Variants in PPP2R2C observed in about 807,000 individuals in gnomAD.
The protein encoded by PPP2R2C is protein phosphatase 2 regulatory subunit Bgamma, also known as protein phosphatase 2, regulatory subunit B, gamma.
PPP2R2C carries 10 observed loss-of-function variants against 45.3 expected under a neutral mutation model. That is an observed-to-expected ratio of 0.22 (90% CI 0.14 to 0.37). The LOEUF is 0.37. PPP2R2C is among the 10% of genes least tolerant of loss of function. The probability of loss-of-function intolerance (pLI) is 1.00; values close to 1 mark genes in which losing one functional copy is unlikely to be tolerated. For synonymous variants in PPP2R2C, 257 were observed against 245.4 expected (o/e 1.05, Z -0.44); for missense variants, 308 against 619.7 (o/e 0.50, Z 5.34).
At chr4:6,340,196 C>G in intron 6 of PPP2R2C, among the ~76,000 whole-genome samples, 1 of 152,156 alleles carries the variant, frequency 6.6e-6, no homozygotes, top group African/African-American at 2.4e-5. Context: ...GGCCCCCAGG[C>G]CCGGCACGCT....
intron 1 of PPP2R2C, among the ~76,000 whole-genome samples, chr4:6,390,607 G>A (rs1045204654): frequency 2.0e-5 from 3 of 152,226 alleles, no homozygotes; most frequent in Non-Finnish European, 4.4e-5. Context: ...GCCGGGACTG[G>A]ACATCAGCAC....
intron 1 of PPP2R2C, among the ~76,000 whole-genome samples, chr4:6,430,391 T>C (rs1283714075): frequency 1.3e-5 from 2 of 152,152 alleles, no homozygotes. Context: ...CCTGACTGCC[T>C]GGTATCAGCG....
chr4:6,381,609 A>T lies in PPP2R2C; in HGVS notation c.71-515T>A, dbSNP rs972487604. 1.4e-5 allele frequency: 21 copies of T among 1,470,718 alleles called. No homozygotes were observed. In the African/African-American group the frequency reaches 3.0e-4, roughly 21 times the overall value. 91.1% of individuals were successfully genotyped at this position (1,470,718 alleles called of 1,614,324 possible). ...AGGTGAATTACCCCCTCTCCTTCAG[A>T]CTCCTGCTCTGTGGCCCCACCTCCA... is the stretch of plus-strand genomic sequence containing the variant. On this transcript the variant is annotated intron_variant, in intron 1 of 8. Transcript: ENST00000382599.
At chr4:6,504,894 A>G (rs1051489617) in intron 2 of PPP2R2C, among the ~76,000 whole-genome samples, 2 of 152,224 alleles carry the variant, frequency 1.3e-5, no homozygotes, top group Non-Finnish European at 2.9e-5. Flanking sequence ...ACAATGGCTG[A>G]AAATGACCCC....
At chr4:6,453,793 C>T (rs997126063) in intron 1 of PPP2R2C, among the ~76,000 whole-genome samples, 7 of 152,178 alleles carry the variant, frequency 4.6e-5, no homozygotes, top group African/African-American at 1.7e-4. Flanking sequence ...CTGCAGTGGC[C>T]CTGGCAAGAA....
intron 1 of PPP2R2C, among the ~76,000 whole-genome samples, chr4:6,432,071 C>T (rs6811846): frequency 0.98 from 149,804 of 152,224 alleles, 73,752 homozygotes; most frequent in Middle Eastern, 1. Flanking sequence ...TAACGCATCA[C>T]CTTAAGGCTT....
chr4:6,517,106 G>C (rs917756878), intron 2 of PPP2R2C, among the ~76,000 whole-genome samples: 1 of 152,212 alleles, frequency 6.6e-6, no homozygotes, highest in African/African-American at 2.4e-5. Context: ...GCGGGAGGGA[G>C]ACCCTGATGC....
chr4:6,539,970 G>A (rs1259499359), intron 1 of PPP2R2C, among the ~76,000 whole-genome samples: 2 of 152,190 alleles, frequency 1.3e-5, no homozygotes. Flanking sequence ...AGGCCCGTGA[G>A]GACCCTGCAG....
At chr4:6,466,910 C>T (rs557458428) in intron 1 of PPP2R2C, among the ~76,000 whole-genome samples, 91 of 152,220 alleles carry the variant, frequency 6.0e-4, no homozygotes, top group Non-Finnish European at 1.1e-3. Context: ...ACAGCAGGGG[C>T]GTGGGAGTTG....
rs1732397672 is a variant in PPP2R2C, at chr4:6,331,284, C to T, written c.961-1931G>A. ...AAGACTGTCAATCTAAGGTCCGCTG[C>T]TTGCTGGCTCTGTCACAGATTTGCC... is the stretch of plus-strand genomic sequence containing the variant. On this transcript the variant is annotated intron_variant, in intron 7 of 8. Coordinates refer to ENST00000382599, the MANE Select transcript of PPP2R2C (RefSeq NM_020416.4). The surrounding 1 kb of genome is among the most constrained non-coding windows in gnomAD (Gnocchi z 5.9). 6.6e-6 allele frequency among the ~76,000 whole-genome samples: 1 copy of T among 152,166 alleles called. No homozygotes were observed. The highest frequency in any genetic ancestry group is 2.1e-4 in the South Asian group (1 of 4,824).
chr4:6,370,372 G>A lies in PPP2R2C; in HGVS notation c.625+2151C>T, dbSNP rs145516235. ...TAAACTGTACGGTACGGTCCAGGCC[G>A]CTCAGTGAGCCCCACACCCTCCCCA... On this transcript the variant is annotated intron_variant, in intron 5 of 8. Coordinates refer to ENST00000382599, the MANE Select transcript of PPP2R2C (RefSeq NM_020416.4). Among the ~76,000 whole-genome samples the A allele has an allele frequency of 5.2e-3, 797 of 152,308 alleles. 7 individuals are homozygous for A. Among genetic ancestry groups the A allele is most frequent in the African/African-American group, 0.019 (770 of 41,560 alleles).
chr4:6,472,382 G>T lies in PPP2R2C; in HGVS notation c.-153C>A. The T allele has an allele frequency of 9.9e-7, 1 of 1,006,614 alleles. No individual in the cohort carries two copies. The highest frequency in any genetic ancestry group is 1.2e-6 in the Non-Finnish European group (1 of 838,830). 62.4% of individuals were successfully genotyped at this position (1,006,614 alleles called of 1,614,324 possible). A position where few individuals can be genotyped will look rare whatever the true frequency, so the allele number is the denominator to read the frequency against. ...AGGGAGGGCATCGCGGCAGGGGGACGGGCGGGGGCGGCCGGGGGCGGGCGC... is the reference window on the plus strand; with the variant it reads ...AGGGAGGGCATCGCGGCAGGGGGACTGGCGGGGGCGGCCGGGGGCGGGCGC... On this transcript the variant is annotated 5_prime_UTR_variant, in exon 1 of 9. Transcript: ENST00000382599.
chr4:6,513,980 A>G (rs1304944074), intron 2 of PPP2R2C, among the ~76,000 whole-genome samples: 1 of 152,258 alleles, frequency 6.6e-6, no homozygotes, highest in Non-Finnish European at 1.5e-5. Flanking sequence ...GAGGCATGCT[A>G]AAAATGTTCA....
intron 8 of PPP2R2C, among the ~76,000 whole-genome samples, chr4:6,326,312 GA>G (rs1233828178): frequency 6.6e-6 from 1 of 152,002 alleles, no homozygotes; most frequent in Non-Finnish European, 1.5e-5. Context: ...CGGCCGGAGA[GA>G]AAAAAACAGC....
At chr4:6,512,974 T>TA (rs562383955) in intron 2 of PPP2R2C, among the ~76,000 whole-genome samples, 82 of 151,342 alleles carry the variant, frequency 5.4e-4, no homozygotes, top group Non-Finnish European at 9.3e-4. Flanking sequence ...CATATCAGGA[T>TA]AAAAAAAAAT....
chr4:6,418,080 C>T (rs1203877217), intron 1 of PPP2R2C, among the ~76,000 whole-genome samples: 2 of 152,182 alleles, frequency 1.3e-5, no homozygotes, highest in African/African-American at 4.8e-5. Context: ...TGGGAAGTCA[C>T]TTGCTTCTTT....
rs1553910080 is a variant in PPP2R2C at position 6,562,472 on chromosome 4, G to GT, written c.-59+1087_-59+1088insA. ...GTGGGGAGGATTCAACGGAGTCGGG[G>GT]GGGGGGGTTGGATATTTGAAAGCTC... is the stretch of plus-strand genomic sequence containing the variant. On this transcript the variant is annotated intron_variant, in intron 1 of 9. Transcript: ENST00000506140. Among the ~76,000 whole-genome samples, 12 of 113,728 alleles carry GT rather than the reference G, an allele frequency of 1.1e-4. No homozygotes were observed. In the South Asian group the frequency reaches 2.1e-3, roughly 20 times the overall value. The allele number at this position is 113,728 out of a possible 152,430, so 74.6% of individuals were successfully genotyped here.
At chr4:6,527,598 C>A (rs1724257445) in intron 2 of PPP2R2C, among the ~76,000 whole-genome samples, 1 of 122,846 alleles carries the variant, frequency 8.1e-6, no homozygotes, top group Non-Finnish European at 1.7e-5. Flanking sequence ...CCGACCCCAC[C>A]CCACCTCCAG....
intron 1 of PPP2R2C, among the ~76,000 whole-genome samples, chr4:6,552,291 C>T (rs551099108): frequency 2.0e-5 from 3 of 152,160 alleles, no homozygotes; most frequent in Non-Finnish European, 4.4e-5. Flanking sequence ...TCTAACTGTT[C>T]TGGAGGTCAG....
Sources: allele counts gnomAD v4.1 joint callset (sites outside exome capture counted in the v4.1 genomes callset), GRCh38; gene constraint gnomAD v4.1.1; non-coding constraint Gnocchi (gnomAD v3.1); transcripts MANE v1.5; gene names NCBI Gene and HGNC (gene_info 2026-07-23, HGNC 2026-07-21).